Variants in PARPBP observed in about 807,000 individuals in gnomAD.
PARPBP encodes the protein PARP1 binding protein.
Under a neutral mutation model 50.0 loss-of-function variants are expected in PARPBP, and 52 were observed. The ratio of observed to expected loss-of-function variants is 1.04; its 90% CI spans 0.83 to 1.31. PARPBP has a LOEUF of 1.31. PARPBP is among the 50% of genes most tolerant of loss of function. PARPBP has a pLI of 0.00. For synonymous variants in PARPBP, 244 were observed against 232.1 expected (o/e 1.05, Z -0.47); for missense variants, 697 against 672.0 (o/e 1.04, Z -0.41).
intron 7 of PARPBP, among the ~76,000 whole-genome samples, chr12:102,176,353 G>A (rs1225205119): frequency 6.6e-6 from 1 of 152,084 alleles, no homozygotes. Context: ...TTCTGTTTCT[G>A]ACTTTAATAC....
chr12:102,190,964 C>T (rs1890741144), intron 9 of PARPBP, among the ~76,000 whole-genome samples: 1 of 152,032 alleles, frequency 6.6e-6, no homozygotes, highest in South Asian at 2.1e-4. Context: ...CTATAAGGGA[C>T]TGAGCAACAT....
chr12:102,180,937 T>C (rs902892928), intron 8 of PARPBP, among the ~76,000 whole-genome samples: 26 of 152,312 alleles, frequency 1.7e-4, no homozygotes, highest in African/African-American at 5.3e-4. Context: ...CTTTTATTCT[T>C]GCTTAGTAGT....
At chr12:102,135,536 CAAAAAA>C (rs34890863) in intron 2 of PARPBP, among the ~76,000 whole-genome samples, 3 of 50,556 alleles carry the variant, frequency 5.9e-5, no homozygotes, top group Non-Finnish European at 1.2e-4. Flanking sequence ...ACTCCGTCTC[CAAAAAA>C]AAAAAAAAAA....
At chr12:102,121,545 CTTTTTTTTT>C (rs35855638) in intron 1 of PARPBP, among the ~76,000 whole-genome samples, 5 of 87,194 alleles carry the variant, frequency 5.7e-5, no homozygotes, top group African/African-American at 1.8e-4. Context: ...TAGTAATGCT[CTTTTTTTTT>C]TTTTTTTTTT....
At chr12:102,172,784 AAGAC>A (rs1200574062) in intron 6 of PARPBP, among the ~76,000 whole-genome samples, 2 of 152,338 alleles carry the variant, frequency 1.3e-5, no homozygotes, top group East Asian at 1.9e-4. Flanking sequence ...AATTGGCACT[AAGAC>A]AGTCCCAGAT....
At chr12:102,166,912 C>G (rs189977868) in intron 6 of PARPBP, among the ~76,000 whole-genome samples, 14 of 152,154 alleles carry the variant, frequency 9.2e-5, no homozygotes, top group African/African-American at 3.4e-4. Context: ...TTCTGAACTT[C>G]CAGATAATAT....
At chr12:102,192,128 A>AT (rs1383051879) in intron 9 of PARPBP, among the ~76,000 whole-genome samples, 1 of 152,070 alleles carries the variant, frequency 6.6e-6, no homozygotes, top group Non-Finnish European at 1.5e-5. Flanking sequence ...TTGTAAGTTC[A>AT]TTTTTTTGAG....
At chr12:102,145,310 G>A (rs1435373900) in intron 2 of PARPBP, among the ~76,000 whole-genome samples, 3 of 151,918 alleles carry the variant, frequency 2.0e-5, no homozygotes, top group South Asian at 2.1e-4. Context: ...TGGTGTTAGT[G>A]GAAACTACTA....
chr12:102,144,105 CAG>C (rs1885038368), intron 2 of PARPBP, among the ~76,000 whole-genome samples: 3 of 152,250 alleles, frequency 2.0e-5, no homozygotes, highest in South Asian at 2.1e-4. Flanking sequence ...GAAACTGACT[CAG>C]GGGTTTCAGT....
intron 2 of PARPBP, among the ~76,000 whole-genome samples, chr12:102,130,007 A>C (rs1237865376): frequency 1.3e-5 from 2 of 152,254 alleles, no homozygotes. Flanking sequence ...AAAGGGCTAC[A>C]GTAACCAAAA....
chr12:102,138,123 A>T (rs931731723), intron 2 of PARPBP, among the ~76,000 whole-genome samples: 6 of 152,318 alleles, frequency 3.9e-5, no homozygotes, highest in African/African-American at 1.4e-4. Context: ...TCCCACCAAC[A>T]GTGTAAAAGT....
At chr12:102,191,768 CA>C (rs1452844972) in intron 9 of PARPBP, among the ~76,000 whole-genome samples, 1 of 151,984 alleles carries the variant, frequency 6.6e-6, no homozygotes, top group African/African-American at 2.4e-5. Flanking sequence ...GAAATATTTC[CA>C]AAGGGAGGAA....
At chr12:102,158,186 C>T (rs905772551) in intron 4 of PARPBP, among the ~76,000 whole-genome samples, 36 of 148,084 alleles carry the variant, frequency 2.4e-4, no homozygotes, top group Middle Eastern at 3.6e-3. Context: ...ACATTAATTA[C>T]TTGCCATTTC....
At chr12:102,151,892 C>T in intron 3 of PARPBP, 1 of 876,966 alleles carries the variant, frequency 1.1e-6, no homozygotes, top group East Asian at 2.6e-5. Context: ...GAACCAGGGA[C>T]CCAAGGAGCT....
At chr12:102,163,713 G>A (rs1011603153) in intron 4 of PARPBP, among the ~76,000 whole-genome samples, 1 of 152,060 alleles carries the variant, frequency 6.6e-6, no homozygotes, top group South Asian at 2.1e-4. Context: ...CTCTCTCCAA[G>A]TTGCTGTTGA....
chr12:102,176,310 C>T (rs552381655), intron 7 of PARPBP, among the ~76,000 whole-genome samples: 1 of 152,238 alleles, frequency 6.6e-6, no homozygotes, highest in South Asian at 2.1e-4. Context: ...ATTACTTTCC[C>T]ATTTACTCAG....
intron 6 of PARPBP, among the ~76,000 whole-genome samples, chr12:102,171,742 G>A (rs1308967498): frequency 4.6e-5 from 7 of 151,864 alleles, no homozygotes; most frequent in Admixed American, 6.6e-5. Flanking sequence ...GGTGGCGGGC[G>A]CCTGTAGTCC....
chr12:102,156,176 C>CTTTTTT lies in PARPBP; in HGVS notation c.495+2223_495+2228dup, dbSNP rs869213784. Among the ~76,000 whole-genome samples the CTTTTTT allele has an allele frequency of 3.3e-3, 220 of 66,190 alleles. 46 individuals carry two copies. The highest frequency in any genetic ancestry group is 7.8e-3 in the African/African-American group (115 of 14,790). The allele number at this position is 66,190 out of a possible 152,430, so 43.4% of individuals were successfully genotyped here. A position where few individuals can be genotyped will look rare whatever the true frequency, so the allele number is the denominator to read the frequency against. ...CATATTTGGCTCAGAATTAACCTTC[C>CTTTTTT]TTTTTTTTTTTTTTTTTTTTTTTTT... On this transcript the variant is annotated intron_variant, in intron 4 of 10. Transcript: ENST00000327680.
intron 2 of PARPBP, among the ~76,000 whole-genome samples, chr12:102,145,694 C>G (rs1340902840): frequency 6.6e-6 from 1 of 152,008 alleles, no homozygotes; most frequent in Non-Finnish European, 1.5e-5. Flanking sequence ...TGTTTTATTT[C>G]TCGTGGGATA....
Sources: allele counts gnomAD v4.1 joint callset (sites outside exome capture counted in the v4.1 genomes callset), GRCh38; gene constraint gnomAD v4.1.1; transcripts MANE v1.5; gene names NCBI Gene and HGNC (gene_info 2026-07-23, HGNC 2026-07-21).